Variants in NRG1 observed in about 807,000 individuals in gnomAD.
NRG1 encodes the protein neuregulin 1.
In NRG1, 18 loss-of-function variants were observed where a neutral mutation model predicts 63.8. The ratio of observed to expected loss-of-function variants is 0.28; its 90% CI spans 0.19 to 0.42. The LOEUF is 0.42. Ranked by LOEUF, NRG1 falls within the 10% of genes least tolerant of loss-of-function variation. The probability of loss-of-function intolerance (pLI) is 1.00; values close to 1 mark genes in which losing one functional copy is unlikely to be tolerated. For missense variants in NRG1, 762 were observed against 814.7 expected (o/e 0.94, Z 0.79); for synonymous variants, 302 against 301.3 (o/e 1.00, Z -0.02).
chr8:32,677,922 G>A (rs1807599278), intron 5 of NRG1, among the ~76,000 whole-genome samples: 2 of 152,122 alleles, frequency 1.3e-5, no homozygotes, highest in Admixed American at 1.3e-4. Context: ...TATATCAAGT[G>A]TACCTAATCA....
intron 1 of NRG1, among the ~76,000 whole-genome samples, chr8:32,493,714 A>G (rs566487416): frequency 2.0e-5 from 3 of 152,216 alleles, no homozygotes; most frequent in African/African-American, 7.2e-5. Context: ...CAGAAGAAAA[A>G]TTTTAAATAA....
At chr8:31,911,279 G>A (rs1435104731) in intron 1 of NRG1, among the ~76,000 whole-genome samples, 1 of 152,122 alleles carries the variant, frequency 6.6e-6, no homozygotes, top group Non-Finnish European at 1.5e-5. Flanking sequence ...AAAGACAAAT[G>A]CATGTGTATG....
intron 1 of NRG1, among the ~76,000 whole-genome samples, chr8:31,864,796 G>A (rs1459069729): frequency 2.0e-5 from 3 of 152,166 alleles, no homozygotes; most frequent in South Asian, 2.1e-4. Context: ...CTGCTGCAGT[G>A]TAGAGAGCAG....
chr8:31,714,615 A>G (rs1051726752), intron 1 of NRG1, among the ~76,000 whole-genome samples: 3 of 152,182 alleles, frequency 2.0e-5, no homozygotes, highest in Non-Finnish European at 4.4e-5. Context: ...AGCATATTGT[A>G]TACCACAGTT....
intron 4 of NRG1, among the ~76,000 whole-genome samples, chr8:32,615,645 C>CT (rs1342254832): frequency 6.6e-6 from 1 of 152,024 alleles, no homozygotes; most frequent in African/African-American, 2.4e-5. Flanking sequence ...ATCAACATGT[C>CT]TTTTTCCATC....
chr8:31,714,854 T>A (rs957063289), intron 1 of NRG1, among the ~76,000 whole-genome samples: 1 of 152,192 alleles, frequency 6.6e-6, no homozygotes, highest in Non-Finnish European at 1.5e-5. Context: ...CTTGAAGATA[T>A]GATTAAAAAA....
intron 1 of NRG1, among the ~76,000 whole-genome samples, chr8:32,034,894 A>T (rs1436524593): frequency 1.3e-5 from 2 of 151,168 alleles, no homozygotes; most frequent in Non-Finnish European, 2.9e-5. Flanking sequence ...TCAAAAAAAC[A>T]GCTCCTGGAT....
chr8:32,242,808 T>C, intron 1 of NRG1, among the ~76,000 whole-genome samples: 1 of 152,194 alleles, frequency 6.6e-6, no homozygotes, highest in East Asian at 1.9e-4. Context: ...TGTCCTCATT[T>C]ATCATATAAG....
chr8:31,924,736 T>G lies in NRG1; in HGVS notation c.37+285305T>G, dbSNP rs1374689844. Among the ~76,000 whole-genome samples the G allele has an allele frequency of 2.0e-5, 3 of 151,952 alleles. No individual in the cohort carries two copies. The East Asian group carries it at 5.8e-4, about 29-fold the overall frequency. On this transcript the variant is annotated intron_variant, in intron 1 of 10. Transcript: ENST00000519301. ...ACTTTCTTCCTTTCTAATATATGCA[T>G]GTTAGGCCGTAAGTTTCTCTTTAAT...
intron 1 of NRG1, among the ~76,000 whole-genome samples, chr8:31,852,153 T>A (rs1301297275): frequency 6.6e-6 from 1 of 152,160 alleles, no homozygotes; most frequent in Non-Finnish European, 1.5e-5. Context: ...CAAATGGTAT[T>A]TCTAGTTCTA....
chr8:32,484,937 C>T (rs772711770), intron 1 of NRG1, among the ~76,000 whole-genome samples: 4 of 152,086 alleles, frequency 2.6e-5, no homozygotes, highest in Admixed American at 6.5e-5. Context: ...GAAGATCAGG[C>T]GTAGTGAACA....
intron 1 of NRG1, among the ~76,000 whole-genome samples, chr8:31,960,648 C>T (rs910860008): frequency 2.0e-5 from 3 of 152,212 alleles, no homozygotes; most frequent in Non-Finnish European, 4.4e-5. Context: ...CTACTTTTGG[C>T]AGCTTGTTGT....
intron 5 of NRG1, among the ~76,000 whole-genome samples, chr8:32,707,125 C>G (rs1334831881): frequency 6.6e-6 from 1 of 151,916 alleles, no homozygotes; most frequent in Non-Finnish European, 1.5e-5. Context: ...TTATTCATCA[C>G]TTGATAAATG....
At chr8:32,371,070 G>T (rs1302972446) in intron 1 of NRG1, among the ~76,000 whole-genome samples, 2 of 151,678 alleles carry the variant, frequency 1.3e-5, no homozygotes, top group African/African-American at 4.8e-5. Flanking sequence ...AATTTAGCCG[G>T]GTGTGCTGGT....
At chr8:32,186,016 A>G (rs1488369822) in intron 1 of NRG1, among the ~76,000 whole-genome samples, 1 of 152,220 alleles carries the variant, frequency 6.6e-6, no homozygotes, top group Non-Finnish European at 1.5e-5. Context: ...AAGTTACTCC[A>G]TAAGAAGCCA....
intron 1 of NRG1, among the ~76,000 whole-genome samples, chr8:32,124,351 A>T (rs1833834390): frequency 6.6e-6 from 1 of 151,896 alleles, no homozygotes; most frequent in Non-Finnish European, 1.5e-5. Context: ...CTCATAGAAG[A>T]TTCTCCAAGC....
chr8:32,073,394 C>T (rs1476321340), intron 1 of NRG1, among the ~76,000 whole-genome samples: 1 of 151,988 alleles, frequency 6.6e-6, no homozygotes. Flanking sequence ...AAATAGAACA[C>T]AGGAATAAAA....
At chr8:32,073,380 T>C (rs962915006) in intron 1 of NRG1, among the ~76,000 whole-genome samples, 7 of 151,982 alleles carry the variant, frequency 4.6e-5, no homozygotes, top group African/African-American at 1.7e-4. Context: ...AACTTGGAGG[T>C]AGAAAATAGA....
chr8:32,159,540 C>CA (rs10684266), intron 1 of NRG1, among the ~76,000 whole-genome samples: 1,872 of 72,906 alleles, frequency 0.026, 33 homozygotes, highest in East Asian at 0.042. Context: ...GACTCCGTCT[C>CA]AAAAAAAAAA....
Sources: gnomAD v4.1 joint callset for allele counts (sites outside exome capture counted in the v4.1 genomes callset) on GRCh38, gnomAD v4.1.1 for gene constraint, MANE v1.5 for transcripts, NCBI Gene and HGNC (gene_info 2026-07-23, HGNC 2026-07-21) for gene names.